Variants in DAB1 observed in about 807,000 individuals in gnomAD.
DAB1 encodes disabled homolog 1.
DAB1 carries 15 observed loss-of-function variants against 64.6 expected under a neutral mutation model. The observed-to-expected ratio is 0.23, with a 90% confidence interval of 0.16 to 0.36. The LOEUF is 0.36. Ranked by LOEUF, DAB1 falls within the 10% of genes least tolerant of loss-of-function variation. The probability of loss-of-function intolerance (pLI) is 1.00; values close to 1 mark genes in which losing one functional copy is unlikely to be tolerated. For synonymous variants in DAB1, 235 were observed against 251.9 expected (o/e 0.93, Z 0.64); for missense variants, 596 against 706.7 (o/e 0.84, Z 1.78).
At chr1:57,928,606 G>A (rs1441737555) in intron 5 of DAB1, among the ~76,000 whole-genome samples, 1 of 152,134 alleles carries the variant, frequency 6.6e-6, no homozygotes, top group Non-Finnish European at 1.5e-5. Context: ...AATCCTCTGT[G>A]CTCTGCATAT....
intron 4 of DAB1, among the ~76,000 whole-genome samples, chr1:57,113,970 T>C (rs1471959848): frequency 6.6e-6 from 1 of 152,208 alleles, no homozygotes; most frequent in African/African-American, 2.4e-5. Context: ...AGTTCAACTC[T>C]AGGATGGAAC....
At chr1:58,387,095 A>T (rs1267886193) in intron 3 of DAB1, among the ~76,000 whole-genome samples, 2 of 152,142 alleles carry the variant, frequency 1.3e-5, no homozygotes, top group Non-Finnish European at 2.9e-5. Flanking sequence ...ACAAACAAAC[A>T]AAAAAAGTGT....
chr1:58,029,595 T>G (rs1646943234), intron 5 of DAB1, among the ~76,000 whole-genome samples: 1 of 152,210 alleles, frequency 6.6e-6, no homozygotes, highest in Admixed American at 6.5e-5. Context: ...GAATTAACCA[T>G]CTCTGATAAA....
intron 7 of DAB1, among the ~76,000 whole-genome samples, chr1:57,631,647 A>G (rs1226002730): frequency 6.6e-6 from 1 of 152,206 alleles, no homozygotes; most frequent in Non-Finnish European, 1.5e-5. Context: ...TGTTTCTTTG[A>G]GCCTTTTACT....
intron 5 of DAB1, among the ~76,000 whole-genome samples, chr1:58,042,079 T>C (rs1411770009): frequency 6.6e-6 from 1 of 152,232 alleles, no homozygotes; most frequent in Non-Finnish European, 1.5e-5. Flanking sequence ...CTTATTAAAC[T>C]AGAGCCCTGT....
At chr1:58,373,218 T>A (rs1644285565) in intron 3 of DAB1, among the ~76,000 whole-genome samples, 1 of 150,746 alleles carries the variant, frequency 6.6e-6, no homozygotes, top group African/African-American at 2.4e-5. Flanking sequence ...CATGTGCACA[T>A]TGTGCAGGTC....
intron 3 of DAB1, among the ~76,000 whole-genome samples, chr1:58,466,863 C>T (rs1191156157): frequency 6.6e-6 from 1 of 152,164 alleles, no homozygotes; most frequent in African/African-American, 2.4e-5. Flanking sequence ...TGGGGGACTC[C>T]TTGTGGTGGG....
chr1:57,583,430 G>A (rs1313978347), intron 7 of DAB1, among the ~76,000 whole-genome samples: 4 of 151,652 alleles, frequency 2.6e-5, no homozygotes, highest in East Asian at 1.9e-4. Flanking sequence ...GGGACTACAC[G>A]CGCGCGCCAA....
intron 3 of DAB1, among the ~76,000 whole-genome samples, chr1:58,362,526 G>T (rs192880250): frequency 6.6e-6 from 1 of 152,280 alleles, no homozygotes; most frequent in African/African-American, 2.4e-5. Flanking sequence ...CTTCCTGAAT[G>T]TTGGTATTTA....
At chr1:57,642,797 C>A (rs1295805522) in intron 7 of DAB1, among the ~76,000 whole-genome samples, 1 of 152,142 alleles carries the variant, frequency 6.6e-6, no homozygotes, top group Admixed American at 6.5e-5. Flanking sequence ...GAGAATAACT[C>A]TCCGGGGCAT....
intron 5 of DAB1, among the ~76,000 whole-genome samples, chr1:57,973,869 C>T (rs1353194149): frequency 6.6e-6 from 1 of 152,138 alleles, no homozygotes; most frequent in Non-Finnish European, 1.5e-5. Context: ...CCAGATAATA[C>T]CCAGCATAGT....
chr1:58,454,688 T>C (rs1172579498), intron 3 of DAB1, among the ~76,000 whole-genome samples: 1 of 152,118 alleles, frequency 6.6e-6, no homozygotes, highest in Non-Finnish European at 1.5e-5. Context: ...AGGGCTTGAT[T>C]GAGAGGCGGC....
At chr1:57,869,552 C>T (rs1465835915) in intron 1 of DAB1, among the ~76,000 whole-genome samples, 1 of 151,994 alleles carries the variant, frequency 6.6e-6, no homozygotes, top group African/African-American at 2.4e-5. Context: ...AAATGAAGGC[C>T]AGAGGATAAA....
intron 5 of DAB1, among the ~76,000 whole-genome samples, chr1:58,015,424 T>G (rs989893499): frequency 6.6e-6 from 1 of 152,198 alleles, no homozygotes; most frequent in Non-Finnish European, 1.5e-5. Flanking sequence ...CTCTGAAGTC[T>G]GGCTTTTCTC....
intron 9 of DAB1, among the ~76,000 whole-genome samples, chr1:57,042,243 A>G (rs1647880763): frequency 6.6e-6 from 1 of 152,212 alleles, no homozygotes; most frequent in African/African-American, 2.4e-5. Context: ...AAAGAGCGTT[A>G]TCCTCGACTG....
intron 1 of DAB1, among the ~76,000 whole-genome samples, chr1:57,386,292 C>T (rs1279310362): frequency 6.9e-6 from 1 of 145,390 alleles, no homozygotes; most frequent in Admixed American, 7.3e-5. Flanking sequence ...CACTAGTGGT[C>T]AGATAGACAC....
chr1:57,049,450 C>CAAAA lies in DAB1; in HGVS notation c.723+13430_723+13433dup, dbSNP rs574438911. 4.3e-3 allele frequency among the ~76,000 whole-genome samples: 106 copies of CAAAA among 24,578 alleles called. 5 individuals are homozygous for CAAAA. The highest frequency in any genetic ancestry group is 0.013 in the African/African-American group (88 of 6,896). 16.1% of individuals were successfully genotyped at this position (24,578 alleles called of 152,430 possible). On this transcript the variant is annotated intron_variant, in intron 9 of 14. Transcript: ENST00000371236. ...TGGGCAACAGAGCAAGACTCCGTCT[C>CAAAA]AAAAAAAAAAAAAAAAAAAAAAAAA... is the stretch of plus-strand genomic sequence containing the variant.
chr1:58,169,378 C>CA (rs1334607932), intron 4 of DAB1, among the ~76,000 whole-genome samples: 2 of 152,072 alleles, frequency 1.3e-5, no homozygotes, highest in African/African-American at 4.8e-5. Context: ...ACAAACAAAC[C>CA]AAAACCACGT....
chr1:57,983,890 T>A (rs1646127991), intron 5 of DAB1, among the ~76,000 whole-genome samples: 2 of 152,096 alleles, frequency 1.3e-5, no homozygotes, highest in Admixed American at 1.3e-4. Flanking sequence ...CTCCGGGAAA[T>A]GGCTTGGCGT....
Sources: allele counts gnomAD v4.1 joint callset (sites outside exome capture counted in the v4.1 genomes callset), GRCh38; gene constraint gnomAD v4.1.1; transcripts MANE v1.5; gene names NCBI Gene and HGNC (gene_info 2026-07-23, HGNC 2026-07-21).